Variants in F5 observed in about 807,000 individuals in gnomAD.
The protein encoded by F5 is activated protein c cofactor.
In F5, 138 loss-of-function variants were observed where a neutral mutation model predicts 216.4. The observed-to-expected ratio is 0.64, with a 90% CI of 0.56 to 0.73. The LOEUF is 0.73. Ranked by LOEUF, F5 falls within the 30% of genes least tolerant of loss-of-function variation. The pLI, the probability that F5 is intolerant of heterozygous loss-of-function variation, is 0.00. For missense variants in F5, 2,403 were observed against 2,674.0 expected, an observed-to-expected ratio of 0.90 and a Z score of 2.24; for synonymous variants, 916 against 930.7, an observed-to-expected ratio of 0.98 and a Z score of 0.29.
At position 169,536,576 on chromosome 1, in the gene F5, C is replaced by T. The variant is rs775216452; in HGVS notation, c.4901G>A (p.Arg1634Gln). Residue 1634 changes from arginine (R) to glutamine (Q), a missense_variant, in exon 14 of 25, where the codon CGA becomes CAA. By Grantham distance (43) the Arg-to-Gln change is conservative. Transcript: ENST00000367797. ...LDSTFTKRDP[R>Q]GEYEEHLGIL... is the part of the protein sequence containing the mutation. Reference sequence around the variant, plus strand: ...TCCGAGATGCTCTTCATACTCCCCTCGAGGATCACGTTTGGTAAAAGTGCT... The same window carrying T: ...TCCGAGATGCTCTTCATACTCCCCTTGAGGATCACGTTTGGTAAAAGTGCT... 12 of 1,613,432 alleles carry T rather than the reference C, an allele frequency of 7.4e-6. No individual in the cohort carries two copies. Among genetic ancestry groups the T allele is most frequent in the South Asian group, 4.4e-5 (4 of 91,086 alleles).
chr1:169,534,153 G>A (rs1385992598), intron 14 of F5, among the ~76,000 whole-genome samples: 6 of 151,934 alleles, frequency 3.9e-5, no homozygotes, highest in Admixed American at 1.3e-4. Context: ...AATCAATCAC[G>A]ACCCACTCAC....
chr1:169,513,917 G>T lies in F5; in HGVS notation c.*396C>A, dbSNP rs181328696. Among the ~76,000 whole-genome samples, 264 of 152,206 alleles carry T rather than the reference G, an allele frequency of 1.7e-3. No individual in the cohort carries two copies. The highest frequency in any genetic ancestry group is 6.2e-3 in the African/African-American group (256 of 41,552). On this transcript the variant is annotated 3_prime_UTR_variant, in exon 25 of 25. Transcript: ENST00000367797. The stretch of plus-strand genomic sequence containing the variant: ...AAAACCATTAAAAAATCATGTGTTT[G>T]TGAAAGTTATCCAGGTCTATCAATT...
intron 13 of F5, among the ~76,000 whole-genome samples, 176 bp downstream of exon 13, chr1:169,540,118 T>A (rs1049106319): frequency 3.9e-5 from 6 of 152,168 alleles, no homozygotes; most frequent in Non-Finnish European, 7.4e-5. Context: ...AGGGGTCATC[T>A]AAGGTAAAGA....
Position 169,586,263 on chromosome 1 carries a change from T to G in F5, c.124A>C (p.Ser42Arg). 1.2e-6 allele frequency: 2 copies of G among 1,614,212 alleles called. No individual in the cohort carries two copies. The highest frequency in any genetic ancestry group is 1.1e-5 in the South Asian group (1 of 91,084). Residue 42 changes from serine (S) to arginine (R), a missense_variant, in exon 1 of 25, where the codon AGT becomes CGT. Ser to Arg is a moderately radical substitution (Grantham distance 110). Transcript: ENST00000367797. ...RQFYVAAQGI[S>R]WSYRPEPTNS... ...GTGGGCTCAGGTCGGTAGCTCCAAC[T>G]GATGCCCTGAGCAGCCACGTAGAAC...
intron 2 of F5, among the ~76,000 whole-genome samples, chr1:169,573,296 G>T (rs1465935349): frequency 6.6e-6 from 1 of 152,146 alleles, no homozygotes; most frequent in Non-Finnish European, 1.5e-5. Flanking sequence ...ACTTTGTACA[G>T]CAGAGACATA....
intron 19 of F5, 50 bp downstream of exon 19, chr1:169,524,787 C>T: frequency 7.0e-7 from 1 of 1,433,026 alleles, no homozygotes; most frequent in Non-Finnish European, 9.9e-7. Context: ...AGGCTGCATG[C>T]TGCACAACTG....
rs1357015265 is a variant in F5 at position 169,518,390 on chromosome 1, C to A, written c.6345+22G>T. ...TTTCTTCTGGAGCCCTAAGAGAACA[C>A]CATGCATAGAGTATACTTGACCTTG... On this transcript the variant is annotated intron_variant, in intron 23 of 24. Coordinates refer to ENST00000367797, the MANE Select transcript of F5 (RefSeq NM_000130.5). The A allele has an allele frequency of 5.6e-6, 9 of 1,613,218 alleles. No individual in the cohort carries two copies. In the East Asian group the frequency reaches 2.0e-4, roughly 36 times the overall value.
rs138800239 is a variant in F5, at chr1:169,547,523, G to A, written c.1612-931C>T. 6.3e-4 allele frequency among the ~76,000 whole-genome samples: 96 copies of A among 152,216 alleles called. 1 individual carries two copies. Among genetic ancestry groups the A allele is most frequent in the African/African-American group, 2.3e-3 (95 of 41,534 alleles). On this transcript the variant is annotated intron_variant, in intron 10 of 24. Transcript: ENST00000367797. ...AACAAACAGCCCCATTAAAAAGTAG[G>A]CCAAGGACAGGAACAGACACTTTTC...
Position 169,542,310 on chromosome 1 carries a change from G to C in F5, c.2780C>G (p.Pro927Arg). The change falls in exon 13 of 25, where the codon CCT becomes CGT. Residue 927 changes from proline to arginine, a missense_variant. Physicochemically the swap from Pro to Arg is moderately radical, Grantham distance 103. Coordinates refer to ENST00000367797, the MANE Select transcript of F5 (RefSeq NM_000130.5). ...TTTTAAGAGTAACAGATCACTAGGA[G>C]GGTCCTTCCAGGGCCTCATTCTGGA... ...SPSRMRPWKD[P>R]PSDLLLLKQS... 6.2e-7 allele frequency: 1 copy of C among 1,614,016 alleles called. No homozygotes were observed.
At position 169,586,460 on chromosome 1, in the gene F5, T is replaced by G; in HGVS notation, c.-74A>C. 6.4e-7 allele frequency: 1 copy of G among 1,553,558 alleles called. No individual in the cohort carries two copies. The highest frequency in any genetic ancestry group is 1.9e-5 in the Admixed American group (1 of 53,280). On this transcript the variant is annotated 5_prime_UTR_variant, in exon 1 of 25. Coordinates refer to ENST00000367797, the MANE Select transcript of F5 (RefSeq NM_000130.5). ...GCGCTTGCCGAGCTGCTAACCACACTCCGGGCTGTCCCAGCTGCAATGAGC... is the reference window on the plus strand; with the variant it reads ...GCGCTTGCCGAGCTGCTAACCACACGCCGGGCTGTCCCAGCTGCAATGAGC...
intron 3 of F5, among the ~76,000 whole-genome samples, chr1:169,563,099 A>C (rs1413706999): frequency 6.6e-6 from 1 of 152,056 alleles, no homozygotes; most frequent in Non-Finnish European, 1.5e-5. Flanking sequence ...TACTAAACAG[A>C]CAGATTCCCC....
chr1:169,532,997 C>T (rs1277271897), intron 14 of F5, among the ~76,000 whole-genome samples: 1 of 152,066 alleles, frequency 6.6e-6, no homozygotes, highest in Non-Finnish European at 1.5e-5. Context: ...GTTACAATAA[C>T]CAAAATAGCA....
At chr1:169,551,231 T>C (rs1206118271) in intron 8 of F5, among the ~76,000 whole-genome samples, 2 of 152,176 alleles carry the variant, frequency 1.3e-5, no homozygotes, top group African/African-American at 4.8e-5. Flanking sequence ...GGTGGATCAC[T>C]TGAGCTCAGG....
chr1:169,542,148 G>A lies in F5; in HGVS notation c.2942C>T (p.Ala981Val), dbSNP rs1659871806. ...GGCAAGAGGGGTGCTTTCTCCCCAA[G>A]CACGTGAGGCATTCTGGGGGCTGAT... Reference protein sequence around the residue: ...WLISPQNASRAWGESTPLANK... With the variant: ...WLISPQNASRVWGESTPLANK... Residue 981 changes from alanine to valine, a missense_variant, in exon 13 of 25, where the codon GCT becomes GTT. Physicochemically the swap from Ala to Val is moderately conservative, Grantham distance 64 (BLOSUM62 0). Around this residue, in one of 4 missense-constraint regions of F5, gnomAD observed 1,425 missense variants for 1,554.8 expected, o/e 0.92. Coordinates refer to ENST00000367797, the MANE Select transcript of F5 (RefSeq NM_000130.5). 7 of 1,613,928 alleles carry A rather than the reference G, an allele frequency of 4.3e-6. No homozygotes were observed. The highest frequency in any genetic ancestry group is 5.9e-6 in the Non-Finnish European group (7 of 1,179,990).
At chr1:169,516,210 G>A (rs1178824691) in intron 23 of F5, among the ~76,000 whole-genome samples, 1 of 152,106 alleles carries the variant, frequency 6.6e-6, no homozygotes, top group East Asian at 1.9e-4. Flanking sequence ...TGTAACATTT[G>A]AGAGACCTGA....
chr1:169,551,311 G>A (rs2420376), intron 8 of F5, among the ~76,000 whole-genome samples: 35,561 of 152,136 alleles, frequency 0.23, 4,274 homozygotes, highest in Admixed American at 0.33. Flanking sequence ...TTAGCCAGGC[G>A]TTGGGGCGTG....
At chr1:169,562,879 A>C (rs1188097888) in intron 3 of F5, among the ~76,000 whole-genome samples, 1 of 151,976 alleles carries the variant, frequency 6.6e-6, no homozygotes. Context: ...AAAACGAGGA[A>C]AAAATTTCTC....
chr1:169,546,073 A>C (rs1659994117), intron 11 of F5, among the ~76,000 whole-genome samples: 1 of 151,972 alleles, frequency 6.6e-6, no homozygotes, highest in South Asian at 2.1e-4. Flanking sequence ...TGTCCTAGCC[A>C]TATATTCACC....
At chr1:169,519,054 C>T (rs560966142) in intron 22 of F5, among the ~76,000 whole-genome samples, 2 of 152,252 alleles carry the variant, frequency 1.3e-5, no homozygotes, top group East Asian at 1.9e-4. Flanking sequence ...GAGGGTAATT[C>T]GAGTTATGTA....
Sources: allele counts gnomAD v4.1 joint callset (sites outside exome capture counted in the v4.1 genomes callset), GRCh38; gene constraint gnomAD v4.1.1; regional missense constraint gnomAD v4.1.1; transcripts MANE v1.5; gene names NCBI Gene and HGNC (gene_info 2026-07-23, HGNC 2026-07-21).